The following ACSL5 variants were observed in gnomAD, a reference collection of about 807,000 sequenced individuals.
ACSL5 encodes long-chain-fatty-acid--CoA ligase 5.
Under a neutral mutation model 84.9 loss-of-function variants are expected in ACSL5, and 50 were observed. The ratio of observed to expected loss-of-function variants is 0.59; its 90% CI spans 0.47 to 0.75. The LOEUF is 0.75. Among genes scored for constraint, ACSL5 ranks in the 30% least tolerant of loss-of-function variants. The pLI is 0.00. For synonymous variants in ACSL5, 280 were observed against 300.7 expected (o/e 0.93, Z 0.71); for missense variants, 775 against 830.4 (o/e 0.93, Z 0.82).
chr10:112,387,442 T>C (rs573539528), intron 1 of ACSL5, among the ~76,000 whole-genome samples: 164 of 152,318 alleles, frequency 1.1e-3, no homozygotes, highest in African/African-American at 3.8e-3. Context: ...ACTGGCCTTT[T>C]GTCATTACTT....
At chr10:112,379,359 C>T (rs1392816266) in intron 1 of ACSL5, among the ~76,000 whole-genome samples, 2 of 149,948 alleles carry the variant, frequency 1.3e-5, no homozygotes, top group Non-Finnish European at 3.0e-5. Flanking sequence ...GAGCTGAGAT[C>T]TCGCCACTGC....
At chr10:112,375,162 C>T (rs1043263907) in intron 1 of ACSL5, 1 of 152,172 alleles carries the variant, frequency 6.6e-6, no homozygotes, top group Non-Finnish European at 1.5e-5. Context: ...AGATTCGACA[C>T]CCACTCTGCC....
chr10:112,393,192 G>A (rs1306135933), intron 1 of ACSL5, among the ~76,000 whole-genome samples: 11 of 152,202 alleles, frequency 7.2e-5, no homozygotes, highest in East Asian at 1.9e-4. Context: ...TCAGAATCCT[G>A]CCAGGTGGTC....
At chr10:112,385,805 AT>A (rs1476187143) in intron 1 of ACSL5, among the ~76,000 whole-genome samples, 3 of 152,154 alleles carry the variant, frequency 2.0e-5, no homozygotes, top group Non-Finnish European at 4.4e-5. Context: ...TTTTTATATA[AT>A]CAAACTTGCC....
intron 1 of ACSL5, among the ~76,000 whole-genome samples, chr10:112,388,474 G>T (rs142357590): frequency 1.3e-5 from 2 of 152,204 alleles, no homozygotes; most frequent in Non-Finnish European, 2.9e-5. Flanking sequence ...AAGATTTGGG[G>T]GTTTAAGGGT....
At position 112,426,359 on chromosome 10, in the gene ACSL5, A is replaced by C. The variant is rs199528384; in HGVS notation, c.1839A>C (p.Gln613His). 6.2e-7 allele frequency: 1 copy of C among 1,613,646 alleles called. No individual in the cohort carries two copies. The highest frequency in any genetic ancestry group is 1.3e-5 in the African/African-American group (1 of 74,896). The change falls in exon 19 of 21, where the codon CAA becomes CAC. Residue 613 changes from glutamine (Q) to histidine (H), a missense_variant and splice_region_variant. Transcript: ENST00000354655. ...CCTTTGAGGAACTGTGCCAAAACCA[A>C]GTAAGTCTTGCCTAGGAAAGCTTTA... Reference protein sequence around the residue: ...KGSFEELCQNQVVREAILEDL... With the variant: ...KGSFEELCQNHVVREAILEDL...
In ACSL5 at chr10:112,416,873, G is replaced by A; in HGVS notation, c.1084-15G>A. 1 of 1,612,984 alleles carries A rather than the reference G, an allele frequency of 6.2e-7. No homozygotes were observed. The highest frequency in any genetic ancestry group is 8.5e-7 in the Non-Finnish European group (1 of 1,179,124). ...TCCAATAGGTTTCCAACTAAAAGGA[G>A]CTATCACTCTGCAGGTACAAAATGA... On this transcript the variant is annotated splice_polypyrimidine_tract_variant and intron_variant, in intron 12 of 20. Transcript: ENST00000354655.
chr10:112,375,851 G>A (rs1396386379), intron 1 of ACSL5, among the ~76,000 whole-genome samples: 4 of 152,184 alleles, frequency 2.6e-5, no homozygotes, highest in African/African-American at 9.6e-5. Context: ...CAGCTCTGGC[G>A]ACTGGAGAGA....
At position 112,421,961 on chromosome 10, in the gene ACSL5, C is replaced by T; in HGVS notation, c.1402C>T (p.Pro468Ser). Residue 468 changes from proline (P) to serine (S), a missense_variant, in exon 16 of 21, where the codon CCC becomes TCC. Physicochemically the swap from Pro to Ser is moderately conservative, Grantham distance 74. Transcript: ENST00000354655. The part of the protein sequence containing the change: ...GDWTSGHVGV[P>S]LACNYVKLED... ...GTATGTTCTAGGTCACGTTGGGGTG[C>T]CCCTGGCTTGCAATTACGTGAAGCT... 6.2e-7 allele frequency: 1 copy of T among 1,614,124 alleles called. No homozygotes were observed. The highest frequency in any genetic ancestry group is 1.3e-5 in the African/African-American group (1 of 75,038).
intron 1 of ACSL5, among the ~76,000 whole-genome samples, chr10:112,386,807 C>A (rs1247461741): frequency 6.6e-6 from 1 of 152,116 alleles, no homozygotes; most frequent in Non-Finnish European, 1.5e-5. Flanking sequence ...CTTATATACA[C>A]TATTGTGAAT....
At chr10:112,402,574 C>T (rs1200457983) in intron 3 of ACSL5, among the ~76,000 whole-genome samples, 1 of 152,188 alleles carries the variant, frequency 6.6e-6, no homozygotes, top group African/African-American at 2.4e-5. Flanking sequence ...GGCTTTCATG[C>T]AGCTGTTTCA....
intron 12 of ACSL5, among the ~76,000 whole-genome samples, chr10:112,415,125 T>C (rs1046407381): frequency 6.6e-6 from 1 of 152,246 alleles, no homozygotes; most frequent in Admixed American, 6.5e-5. Context: ...GTTGTACATT[T>C]TTTATTTTTC....
chr10:112,404,811 C>T lies in ACSL5; in HGVS notation c.432+5C>T, dbSNP rs773763341. On this transcript the variant is annotated splice_donor_5th_base_variant and intron_variant, in intron 5 of 20. Transcript: ENST00000354655. ...TTTGCTCAGAATAGGCCAGAGGTAA[C>T]TATGTTGAAGTTAACTAAAGGAAAT... The T allele has an allele frequency of 1.9e-6, 3 of 1,607,978 alleles. No individual in the cohort carries two copies. The highest frequency in any genetic ancestry group is 2.6e-6 in the Non-Finnish European group (3 of 1,175,734).
intron 1 of ACSL5, among the ~76,000 whole-genome samples, chr10:112,379,500 TTTTC>T (rs1849308054): frequency 6.6e-6 from 1 of 152,068 alleles, no homozygotes; most frequent in Non-Finnish European, 1.5e-5. Flanking sequence ...TGGTCATCTC[TTTTC>T]TTTTGGGACA....
At chr10:112,405,694 T>TA (rs1844018517) in intron 5 of ACSL5, among the ~76,000 whole-genome samples, 1 of 152,108 alleles carries the variant, frequency 6.6e-6, no homozygotes, top group African/African-American at 2.4e-5. Flanking sequence ...GCCTATTCAG[T>TA]AAAAAAATCC....
At chr10:112,399,085 T>C in intron 3 of ACSL5, 76 bp downstream of exon 3, 1 of 1,234,886 alleles carries the variant, frequency 8.1e-7, no homozygotes. Context: ...TCTGTCTCAC[T>C]TCTAAAACCC....
rs538072062 is a variant in ACSL5 at position 112,379,724 on chromosome 10, C to A, written c.-30+5455C>A. Reference sequence around the variant, plus strand: ...TGCTCAGTGACTCTAAGTAACTGTCCCCAGGGCTACACATGTAGTAAGTGA... The same window carrying A: ...TGCTCAGTGACTCTAAGTAACTGTCACCAGGGCTACACATGTAGTAAGTGA... On this transcript the variant is annotated intron_variant, in intron 1 of 20. Transcript: ENST00000354655. 5.1e-3 allele frequency among the ~76,000 whole-genome samples: 776 copies of A among 152,236 alleles called. 3 individuals carry two copies. The highest frequency in any genetic ancestry group is 7.9e-3 in the Non-Finnish European group (538 of 68,016).
intron 3 of ACSL5, among the ~76,000 whole-genome samples, chr10:112,403,834 A>G (rs1377676100): frequency 6.6e-6 from 1 of 152,228 alleles, no homozygotes; most frequent in Non-Finnish European, 1.5e-5. Flanking sequence ...GTCAAGCTTG[A>G]AAACAATCTA....
chr10:112,383,953 G>A (rs1414530711), intron 1 of ACSL5, among the ~76,000 whole-genome samples: 2 of 152,034 alleles, frequency 1.3e-5, no homozygotes, highest in Non-Finnish European at 2.9e-5. Flanking sequence ...AGCACTTTGG[G>A]AGGCTTGAGG....
Sources: allele counts gnomAD v4.1 joint callset (sites outside exome capture counted in the v4.1 genomes callset), GRCh38; gene constraint gnomAD v4.1.1; transcripts MANE v1.5; gene names NCBI Gene and HGNC (gene_info 2026-07-23, HGNC 2026-07-21).